TSPAN5: variants seen among roughly 807,000 people sequenced by gnomAD.
The protein encoded by TSPAN5 is tetraspanin 5.
TSPAN5 carries 10 observed loss-of-function variants against 37.1 expected under a neutral mutation model. The ratio of observed to expected loss-of-function variants is 0.27; its 90% CI spans 0.17 to 0.46. The LOEUF (loss-of-function observed/expected upper bound fraction) is 0.46, where lower values mean the gene tolerates loss of function less well. TSPAN5 is among the 20% of genes least tolerant of loss of function. The pLI is 1.00. For missense variants in TSPAN5, 195 were observed against 326.6 expected, an observed-to-expected ratio of 0.60 and a Z score of 3.11; for synonymous variants, 110 against 118.9, an observed-to-expected ratio of 0.93 and a Z score of 0.48.
intron 2 of TSPAN5, among the ~76,000 whole-genome samples, chr4:98,489,975 C>T (rs1347761476): frequency 6.6e-6 from 1 of 152,144 alleles, no homozygotes; most frequent in Non-Finnish European, 1.5e-5. Flanking sequence ...ATACGGGATT[C>T]CCCAACAGGG....
At chr4:98,640,013 T>C (rs755662496) in intron 1 of TSPAN5, among the ~76,000 whole-genome samples, 2 of 152,206 alleles carry the variant, frequency 1.3e-5, no homozygotes, top group Non-Finnish European at 2.9e-5. Context: ...GAGGGAGCTT[T>C]CCTTTACTAT....
Position 98,592,726 on chromosome 4 carries a change from T to C in TSPAN5, c.81+65420A>G, listed in dbSNP as rs548484697. Among the ~76,000 whole-genome samples, 89 of 151,054 alleles carry C rather than the reference T, an allele frequency of 5.9e-4. 1 individual carries two copies. The highest frequency in any genetic ancestry group is 2.1e-3 in the African/African-American group (85 of 41,146). On this transcript the variant is annotated intron_variant, in intron 1 of 7. Transcript: ENST00000305798. ...TCTTGCGATAGTTTACTGAGAATGA[T>C]GGTTTCCAATTTCATCCATGTCCCT...
intron 1 of TSPAN5, among the ~76,000 whole-genome samples, chr4:98,601,522 C>A (rs768764261): frequency 3.3e-5 from 5 of 152,216 alleles, no homozygotes; most frequent in African/African-American, 7.2e-5. Flanking sequence ...TTTGGCTAGA[C>A]TCCGGCTTTT....
Position 98,470,396 on chromosome 4 carries a change from C to T in TSPAN5, c.*2126G>A, listed in dbSNP as rs1466617128. The T allele has an allele frequency of 1.3e-5, 2 of 152,138 alleles. No individual in the cohort carries two copies. Among genetic ancestry groups the T allele is most frequent in the East Asian group, 3.8e-4 (2 of 5,202 alleles). 9.4% of individuals were successfully genotyped at this position (152,138 alleles called of 1,614,324 possible). A position where few individuals can be genotyped will look rare whatever the true frequency, so the allele number is the denominator to read the frequency against. ...GTAGAACCAAGTTTATTAATGACAG[C>T]CTTTATTACAATCACTCTCAAGTGT... On this transcript the variant is annotated 3_prime_UTR_variant, in exon 8 of 8. Coordinates refer to ENST00000305798, the MANE Select transcript of TSPAN5 (RefSeq NM_005723.4).
intron 1 of TSPAN5, among the ~76,000 whole-genome samples, chr4:98,543,304 G>T (rs529326001): frequency 6.6e-6 from 1 of 152,204 alleles, no homozygotes; most frequent in African/African-American, 2.4e-5. Context: ...TCGGGGGTTA[G>T]AAAGCTTCCA....
At chr4:98,587,214 G>A (rs1258313233) in intron 1 of TSPAN5, among the ~76,000 whole-genome samples, 1 of 152,330 alleles carries the variant, frequency 6.6e-6, no homozygotes, top group South Asian at 2.1e-4. Flanking sequence ...TGCTCTGGGG[G>A]ACATGGGCAG....
intron 1 of TSPAN5, among the ~76,000 whole-genome samples, chr4:98,635,927 T>C (rs1487553607): frequency 6.6e-6 from 1 of 152,198 alleles, no homozygotes; most frequent in Non-Finnish European, 1.5e-5. Context: ...AGGGTAGGGA[T>C]AGAAGAAGTT....
At chr4:98,564,763 C>T (rs1425954975) in intron 1 of TSPAN5, among the ~76,000 whole-genome samples, 2 of 151,532 alleles carry the variant, frequency 1.3e-5, no homozygotes, top group African/African-American at 2.4e-5. Context: ...GGCATGATCT[C>T]GGCTCACTGC....
chr4:98,539,939 G>T (rs910605621), intron 1 of TSPAN5, among the ~76,000 whole-genome samples: 5 of 152,136 alleles, frequency 3.3e-5, no homozygotes, highest in Non-Finnish European at 7.3e-5. Context: ...GCTCCATGAG[G>T]CGGCCCATAT....
intron 1 of TSPAN5, among the ~76,000 whole-genome samples, chr4:98,616,080 T>A (rs919574408): frequency 7.2e-5 from 11 of 152,090 alleles, no homozygotes; most frequent in Non-Finnish European, 1.3e-4. Flanking sequence ...TAGGTGGTTC[T>A]ACAAGGCCCT....
At chr4:98,581,783 C>A (rs553570418) in intron 1 of TSPAN5, among the ~76,000 whole-genome samples, 1 of 152,182 alleles carries the variant, frequency 6.6e-6, no homozygotes, top group Non-Finnish European at 1.5e-5. Context: ...CCTGCGCAGC[C>A]AGTAATTTGC....
rs140378503 is a variant in TSPAN5 at position 98,618,959 on chromosome 4, T to A, written c.81+39187A>T. 6.8e-3 allele frequency among the ~76,000 whole-genome samples: 1,036 copies of A among 151,918 alleles called. 11 individuals are homozygous for A. The highest frequency in any genetic ancestry group is 0.034 in the Middle Eastern group (10 of 294). On this transcript the variant is annotated intron_variant, in intron 1 of 7. Coordinates refer to ENST00000305798, the MANE Select transcript of TSPAN5 (RefSeq NM_005723.4). ...ACGTGCCTCTGTCTCAGACTTGAAA[T>A]TTTTTTTTAAACTGGGGAGCCAAGG... is the stretch of plus-strand genomic sequence containing the variant.
chr4:98,583,119 T>C (rs544829112), intron 1 of TSPAN5, among the ~76,000 whole-genome samples: 11 of 152,318 alleles, frequency 7.2e-5, no homozygotes, highest in Non-Finnish European at 1.3e-4. Flanking sequence ...GCAAAGTGGG[T>C]TGGAAGTCAA....
chr4:98,598,608 G>A (rs977699637), intron 1 of TSPAN5, among the ~76,000 whole-genome samples: 2 of 152,032 alleles, frequency 1.3e-5, no homozygotes, highest in African/African-American at 4.8e-5. Flanking sequence ...GGCACTACAG[G>A]TGCGTGCCAC....
intron 1 of TSPAN5, among the ~76,000 whole-genome samples, chr4:98,541,162 G>A (rs954547432): frequency 6.6e-6 from 1 of 152,126 alleles, no homozygotes; most frequent in Non-Finnish European, 1.5e-5. Flanking sequence ...TCTCTAGACA[G>A]GGGTGGATAA....
chr4:98,483,141 G>GAC (rs1384281952), intron 3 of TSPAN5: 10 of 152,314 alleles, frequency 6.6e-5, no homozygotes, highest in Admixed American at 5.2e-4. Context: ...AGCTGTGAAG[G>GAC]ACCAGAGGGT....
chr4:98,547,280 A>G (rs1039084740), intron 1 of TSPAN5, among the ~76,000 whole-genome samples: 45 of 152,226 alleles, frequency 3.0e-4, no homozygotes, highest in Admixed American at 2.9e-3. Flanking sequence ...TAAATTGCTT[A>G]TGAGAGCAAA....
rs116260968 is a variant in TSPAN5 at position 98,610,913 on chromosome 4, G to C, written c.81+47233C>G. The stretch of plus-strand genomic sequence containing the variant: ...GATTCCCCCTGACCCCGCTCCCCAG[G>C]TATAGACTATATTTCCTAGGCTCCC... On this transcript the variant is annotated intron_variant, in intron 1 of 7. Coordinates refer to ENST00000305798, the MANE Select transcript of TSPAN5 (RefSeq NM_005723.4). 5.5e-3 allele frequency among the ~76,000 whole-genome samples: 837 copies of C among 152,152 alleles called. 9 individuals are homozygous for C. Among genetic ancestry groups the C allele is most frequent in the African/African-American group, 0.019 (798 of 41,512 alleles).
chr4:98,627,787 A>G (rs1287005203), intron 1 of TSPAN5, among the ~76,000 whole-genome samples: 1 of 152,238 alleles, frequency 6.6e-6, no homozygotes, highest in Non-Finnish European at 1.5e-5. Context: ...TTTTTACACA[A>G]AAATAATGAT....
Sources: allele counts gnomAD v4.1 joint callset (sites outside exome capture counted in the v4.1 genomes callset), GRCh38; gene constraint gnomAD v4.1.1; transcripts MANE v1.5; gene names NCBI Gene and HGNC (gene_info 2026-07-23, HGNC 2026-07-21).